Variants in IFITM10 observed in about 807,000 individuals in gnomAD.
The protein encoded by IFITM10 is interferon-induced transmembrane protein 10.
A neutral mutation model predicts 19.0 loss-of-function variants in IFITM10; 17 were observed. That is an observed-to-expected ratio of 0.90 (90% CI 0.61 to 1.34). IFITM10 has a LOEUF of 1.34. Ranked by LOEUF, IFITM10 falls within the 40% of genes most tolerant of loss-of-function variation. The pLI is 0.00. For missense variants in IFITM10, 306 were observed against 319.8 expected (o/e 0.96, Z 0.33); for synonymous variants, 148 against 147.2 (o/e 1.01, Z -0.04).
chr11:1,746,154 CCATGCACACATGCAATTACACACA>C (rs771717518), intron 2 of IFITM10: 1,962 of 163,348 alleles, frequency 0.012, 16 homozygotes, highest in Non-Finnish European at 0.018. Context: ...TTTACACACA[CCATGCACACATGCAATTACACACA>C]CATGCACACA....
intron 2 of IFITM10, 21 bp downstream of exon 2, chr11:1,747,646 C>T: frequency 3.2e-6 from 5 of 1,550,350 alleles, no homozygotes; most frequent in Non-Finnish European, 4.4e-6. Flanking sequence ...GCCCTTGCCC[C>T]CTGCCACCGC....
chr11:1,735,290 G>C lies in IFITM10; in HGVS notation c.677C>G (p.Thr226Ser). ...LVFIFLRYPL[T>S]DY ...CGTGCCTGGCGGGCCTTAGTAGTCGGTGAGGGGGTACCGCAGGAAGATGAA... is the reference window on the plus strand; with the variant it reads ...CGTGCCTGGCGGGCCTTAGTAGTCGCTGAGGGGGTACCGCAGGAAGATGAA... Residue 226 changes from threonine (T) to serine (S), a missense_variant, in exon 3 of 3, where the codon ACC (threonine) becomes AGC (serine). Thr to Ser is a moderately conservative substitution (Grantham distance 58). Transcript: ENST00000340134. 1 of 1,551,736 alleles carries C rather than the reference G, an allele frequency of 6.4e-7. No homozygotes were observed. The highest frequency in any genetic ancestry group is 2.4e-5 in the East Asian group (1 of 40,920).
chr11:1,746,545 C>T (rs1340330783), intron 2 of IFITM10: 8 of 398,482 alleles, frequency 2.0e-5, no homozygotes, highest in South Asian at 1.3e-4. Context: ...TGAAGGTGCC[C>T]GTGCCAGTGG....
At position 1,750,520 on chromosome 11, in the gene IFITM10, CCT is replaced by C. The variant is rs911606241; in HGVS notation, c.-80_-79del. The C allele has an allele frequency of 2.3e-5, 36 of 1,532,886 alleles. No individual in the cohort carries two copies. Among genetic ancestry groups the C allele is most frequent in the Admixed American group, 4.0e-5 (2 of 50,410 alleles). The allele number at this position is 1,532,886 out of a possible 1,614,324, so 95.0% of individuals were successfully genotyped here. The stretch of plus-strand genomic sequence containing the variant: ...AACTGGCCTCCTGTGTCTCCGCAAC[CCT>C]CTTTCCTGTCTGGAAGGCCAGTCCT... On this transcript the variant is annotated 5_prime_UTR_variant, in exon 1 of 3. Transcript: ENST00000340134.
At chr11:1,739,239 G>T (rs954633023) in intron 2 of IFITM10, among the ~76,000 whole-genome samples, 1 of 152,108 alleles carries the variant, frequency 6.6e-6, no homozygotes, top group Admixed American at 6.5e-5. Context: ...ATGCTGGATG[G>T]CTGGGACAGA....
intron 2 of IFITM10, among the ~76,000 whole-genome samples, chr11:1,735,878 G>T (rs1048881851): frequency 2.0e-5 from 3 of 152,318 alleles, no homozygotes; most frequent in African/African-American, 7.2e-5. Context: ...GATTGGTTCT[G>T]CCTCGTTTAA....
At chr11:1,740,847 C>T (rs927121623) in intron 2 of IFITM10, among the ~76,000 whole-genome samples, 2 of 72,280 alleles carry the variant, frequency 2.8e-5, no homozygotes, top group Non-Finnish European at 6.1e-5. Flanking sequence ...GATCTCATGG[C>T]TTGATGCTGT....
chr11:1,738,344 G>A (rs1436231212), intron 2 of IFITM10, among the ~76,000 whole-genome samples: 1 of 152,208 alleles, frequency 6.6e-6, no homozygotes, highest in Non-Finnish European at 1.5e-5. Flanking sequence ...AGCCTGGTAA[G>A]CTGAGGAGTG....
intron 2 of IFITM10, 30 bp from the exon 3 acceptor site, chr11:1,735,459 C>T (rs1457039713): frequency 1.3e-6 from 2 of 1,546,276 alleles, no homozygotes; most frequent in Non-Finnish European, 1.7e-6. Flanking sequence ...AGGAAATGGG[C>T]AGTCAGCCAG....
chr11:1,748,533 G>C (rs1021569302), intron 1 of IFITM10: 1 of 176,128 alleles, frequency 5.7e-6, no homozygotes, highest in Non-Finnish European at 1.2e-5. Context: ...AGAGCTAGCA[G>C]AGCGGCCAAA....
chr11:1,748,101 ACTGGCCGGGGCCCTGGGC>A lies in IFITM10; in HGVS notation c.85_102del (p.Ala29_Gln34del). On this transcript the variant is annotated inframe_deletion and splice_region_variant, in exon 2 of 3. Coordinates refer to ENST00000340134, the MANE Select transcript of IFITM10 (RefSeq NM_001170820.4). ...GCCGGGTCTCCCAGCGGGGCTGGGC[ACTGGCCGGGGCCCTGGGC>A]CTGGAGAGGAGAAAGTGAGAGCAAG... 3 of 1,399,756 alleles carry A rather than the reference ACTGGCCGGGGCCCTGGGC, an allele frequency of 2.1e-6. No individual in the cohort carries two copies. The East Asian group carries it at 8.4e-5, about 39-fold the overall frequency. 86.7% of individuals were successfully genotyped at this position (1,399,756 alleles called of 1,614,324 possible).
In IFITM10 at chr11:1,748,029, C is replaced by A. The variant is rs578187858; in HGVS notation, c.175G>T (p.Ala59Ser). 2.1e-4 allele frequency: 305 copies of A among 1,433,834 alleles called. 2 individuals are homozygous for A. In the African/African-American group the frequency reaches 3.9e-3, roughly 19 times the overall value. The allele number at this position is 1,433,834 out of a possible 1,614,324, so 88.8% of individuals were successfully genotyped here. The change falls in exon 2 of 3, where the codon GCC (alanine) becomes TCC (serine). Residue 59 changes from alanine to serine, a missense_variant. Transcript: ENST00000340134. Reference protein sequence around the residue: ...AQEARVPLDGAFWIPRPPAGS... With the variant: ...AQEARVPLDGSFWIPRPPAGS... Reference sequence around the variant, plus strand: ...GCCGGGGGCCTCGGAATCCAGAAGGCCCCGTCCAGGGGGACTCGGGCTTCC... The same window carrying A: ...GCCGGGGGCCTCGGAATCCAGAAGGACCCGTCCAGGGGGACTCGGGCTTCC...
intron 2 of IFITM10, among the ~76,000 whole-genome samples, chr11:1,736,691 A>G (rs1278053958): frequency 6.6e-6 from 1 of 150,438 alleles, no homozygotes; most frequent in South Asian, 2.1e-4. Flanking sequence ...GAATGGATGG[A>G]GTGCAGTGGG....
intron 2 of IFITM10, chr11:1,746,343 T>C (rs1845649458): frequency 5.2e-6 from 2 of 388,110 alleles, no homozygotes; most frequent in South Asian, 1.4e-4. Flanking sequence ...GTCATACACA[T>C]GCACACACAT....
At position 1,748,046 on chromosome 11, in the gene IFITM10, C is replaced by T; in HGVS notation, c.158G>A (p.Arg53Gln). 1 of 1,420,178 alleles carries T rather than the reference C, an allele frequency of 7.0e-7. No individual in the cohort carries two copies. The highest frequency in any genetic ancestry group is 9.2e-7 in the Non-Finnish European group (1 of 1,092,722). 88.0% of individuals were successfully genotyped at this position (1,420,178 alleles called of 1,614,324 possible). A position where few individuals can be genotyped will look rare whatever the true frequency, so the allele number is the denominator to read the frequency against. ...CCAGAAGGCCCCGTCCAGGGGGACTCGGGCTTCCTGGGCGCCGTCCGTGGT... is the reference window on the plus strand; with the variant it reads ...CCAGAAGGCCCCGTCCAGGGGGACTTGGGCTTCCTGGGCGCCGTCCGTGGT... Reference protein sequence around the residue: ...ASTTDGAQEARVPLDGAFWIP... With the variant: ...ASTTDGAQEAQVPLDGAFWIP... Residue 53 changes from arginine to glutamine, a missense_variant, in exon 2 of 3, where the codon CGA becomes CAA. Physicochemically the swap from Arg to Gln is conservative, Grantham distance 43 (BLOSUM62 1). Transcript: ENST00000340134.
intron 2 of IFITM10, among the ~76,000 whole-genome samples, chr11:1,736,422 G>A (rs1316162436): frequency 6.6e-6 from 1 of 152,126 alleles, no homozygotes; most frequent in Non-Finnish European, 1.5e-5. Flanking sequence ...TTGGCCTGTG[G>A]GTGGATGGAT....
intron 1 of IFITM10, chr11:1,749,049 C>A: frequency 8.9e-7 from 1 of 1,128,794 alleles, no homozygotes; most frequent in Non-Finnish European, 1.1e-6. Flanking sequence ...GCCGGACCCC[C>A]TGAGCCTCGG....
chr11:1,735,634 G>A lies in IFITM10; in HGVS notation c.538-205C>T, dbSNP rs114328449. On this transcript the variant is annotated intron_variant, in intron 2 of 2. Coordinates refer to ENST00000340134, the MANE Select transcript of IFITM10 (RefSeq NM_001170820.4). ...ACGGATGAACTTGGGGCACGGGGGCGTCATGTCTGAAACCTCTCAGCCCTC... is the reference window on the plus strand; with the variant it reads ...ACGGATGAACTTGGGGCACGGGGGCATCATGTCTGAAACCTCTCAGCCCTC... Among the ~76,000 whole-genome samples, 838 of 152,294 alleles carry A rather than the reference G, an allele frequency of 5.5e-3. 16 individuals carry two copies. The highest frequency in any genetic ancestry group is 0.019 in the African/African-American group (797 of 41,552).
Position 1,735,328 on chromosome 11 carries a change from G to C in IFITM10, c.639C>G (p.Cys213Trp). 1 of 1,551,730 alleles carries C rather than the reference G, an allele frequency of 6.4e-7. No individual in the cohort carries two copies. Among genetic ancestry groups the C allele is most frequent in the African/African-American group, 1.4e-5 (1 of 73,178 alleles). ...GCAGGAAGATGAAGACGAGGATGAT[G>C]CAGGAGGCTGCCAGGGCAGAACTGG... ...NITSSALAAS[C>W]IILVFIFLRY... The change falls in exon 3 of 3, where the codon TGC (cysteine) becomes TGG (tryptophan). Residue 213 changes from cysteine (C) to tryptophan (W), a missense_variant. Cys to Trp is a radical substitution (Grantham distance 215, BLOSUM62 -2). Transcript: ENST00000340134.
Sources: allele counts gnomAD v4.1 joint callset (sites outside exome capture counted in the v4.1 genomes callset), GRCh38; gene constraint gnomAD v4.1.1; transcripts MANE v1.5; gene names NCBI Gene and HGNC (gene_info 2026-07-23, HGNC 2026-07-21).